Variants in LRP1B observed in about 807,000 individuals in gnomAD.
LRP1B encodes low-density lipoprotein receptor-related protein 1B.
A neutral mutation model predicts 556.6 loss-of-function variants in LRP1B; 217 were observed. The ratio of observed to expected loss-of-function variants is 0.39; its 90% CI spans 0.35 to 0.44. LRP1B has a LOEUF of 0.44. Among genes scored for constraint, LRP1B ranks in the 20% least tolerant of loss-of-function variants. The pLI is 1.00. For missense variants in LRP1B, 5,053 were observed against 5,620.8 expected (o/e 0.90, Z 3.23); for synonymous variants, 2,047 against 1,865.8 (o/e 1.10, Z -2.50).
At chr2:140,841,826 GA>G (rs1342627701) in intron 29 of LRP1B, among the ~76,000 whole-genome samples, 3 of 151,654 alleles carry the variant, frequency 2.0e-5, no homozygotes, top group Admixed American at 6.6e-5. Context: ...ACCTTTTCAA[GA>G]AAAAAAATGA....
At chr2:141,468,127 T>C (rs1328104657) in intron 3 of LRP1B, among the ~76,000 whole-genome samples, 2 of 152,196 alleles carry the variant, frequency 1.3e-5, no homozygotes, top group South Asian at 2.1e-4. Context: ...ATGTAAGTTA[T>C]ATTGTGTTAG....
chr2:141,102,006 A>G (rs1700473556), intron 7 of LRP1B, among the ~76,000 whole-genome samples: 2 of 152,272 alleles, frequency 1.3e-5, no homozygotes, highest in South Asian at 4.1e-4. Flanking sequence ...CAGAATCACA[A>G]AGCTATGAAC....
At chr2:140,824,806 C>G (rs964175507) in intron 31 of LRP1B, among the ~76,000 whole-genome samples, 1 of 152,046 alleles carries the variant, frequency 6.6e-6, no homozygotes, top group Non-Finnish European at 1.5e-5. Context: ...ATCACACATT[C>G]AAAAATTAAT....
intron 18 of LRP1B, among the ~76,000 whole-genome samples, chr2:140,978,007 C>A (rs371792542): frequency 1.3e-5 from 2 of 152,186 alleles, no homozygotes; most frequent in African/African-American, 4.8e-5. Context: ...ACTTTCAACA[C>A]AGGCTTCACA....
intron 41 of LRP1B, among the ~76,000 whole-genome samples, chr2:140,674,093 C>T (rs1380503033): frequency 4.0e-5 from 6 of 151,736 alleles, no homozygotes; most frequent in Admixed American, 1.3e-4. Context: ...GGATTACAGG[C>T]GCCCACCACC....
At chr2:141,903,950 A>G (rs1699689159) in intron 1 of LRP1B, among the ~76,000 whole-genome samples, 1 of 151,900 alleles carries the variant, frequency 6.6e-6, no homozygotes, top group Non-Finnish European at 1.5e-5. Context: ...TGGGGAATGA[A>G]CATCATGAGA....
intron 3 of LRP1B, among the ~76,000 whole-genome samples, chr2:141,415,365 A>G (rs1317366251): frequency 1.3e-5 from 2 of 151,908 alleles, no homozygotes; most frequent in South Asian, 4.1e-4. Context: ...CTTATTTTTC[A>G]CCAAAAATGA....
intron 23 of LRP1B, among the ~76,000 whole-genome samples, chr2:140,901,025 T>C (rs1694090090): frequency 6.6e-6 from 1 of 152,156 alleles, no homozygotes; most frequent in Non-Finnish European, 1.5e-5. Context: ...AGTCGTGCTT[T>C]TTTTAAAATA....
intron 1 of LRP1B, among the ~76,000 whole-genome samples, chr2:141,813,221 A>C (rs1002343216): frequency 4.6e-5 from 7 of 152,164 alleles, no homozygotes; most frequent in African/African-American, 1.4e-4. Flanking sequence ...TAATGGGAGG[A>C]TAGAAACAAA....
intron 1 of LRP1B, among the ~76,000 whole-genome samples, chr2:141,862,968 G>A (rs1698296678): frequency 6.6e-6 from 1 of 152,086 alleles, no homozygotes; most frequent in South Asian, 2.1e-4. Context: ...TTCAGTGTTG[G>A]CTGAATAGAC....
intron 3 of LRP1B, among the ~76,000 whole-genome samples, chr2:141,414,203 C>G (rs572224323): frequency 1.5e-3 from 213 of 140,590 alleles, no homozygotes; most frequent in African/African-American, 5.4e-3. Context: ...CGCCACTGCA[C>G]TCCAGCCTGG....
At chr2:141,235,968 G>A (rs928511631) in intron 5 of LRP1B, among the ~76,000 whole-genome samples, 1 of 152,036 alleles carries the variant, frequency 6.6e-6, no homozygotes, top group South Asian at 2.1e-4. Context: ...GGCTGCAATG[G>A]GAAGCCAGTG....
In LRP1B at chr2:140,968,513, T is replaced by TTG. The variant is rs1553438893; in HGVS notation, c.2887+13645_2887+13646dup. 8.6e-3 allele frequency among the ~76,000 whole-genome samples: 1,287 copies of TTG among 150,172 alleles called. 20 individuals carry two copies. The highest frequency in any genetic ancestry group is 0.028 in the African/African-American group (1,145 of 41,090). ...GATTGATTTTTTGCAGTTTTTTTTT[T>TTG]TGTGTCTCTATCTCCTTCAATTCTG... is the stretch of plus-strand genomic sequence containing the variant. On this transcript the variant is annotated intron_variant, in intron 18 of 90. Transcript: ENST00000389484.
chr2:140,496,042 A>T (rs1688912320), intron 55 of LRP1B, among the ~76,000 whole-genome samples: 1 of 152,160 alleles, frequency 6.6e-6, no homozygotes, highest in East Asian at 1.9e-4. Flanking sequence ...AAAAGAGTGA[A>T]ACTTTCTACT....
chr2:142,019,818 A>C (rs1236209674), intron 1 of LRP1B, among the ~76,000 whole-genome samples: 1 of 151,762 alleles, frequency 6.6e-6, no homozygotes, highest in Non-Finnish European at 1.5e-5. Context: ...TTCCCAAGTC[A>C]CTCCCTCTCC....
At chr2:140,837,875 A>G (rs1221155741) in intron 31 of LRP1B, among the ~76,000 whole-genome samples, 1 of 152,164 alleles carries the variant, frequency 6.6e-6, no homozygotes, top group East Asian at 1.9e-4. Context: ...GCACACCAAC[A>G]TGGCACGTGT....
chr2:141,554,393 C>G lies in LRP1B; in HGVS notation c.206-73860G>C, dbSNP rs573971463. On this transcript the variant is annotated intron_variant, in intron 2 of 90. Transcript: ENST00000389484. ...TTATATATCTATAGGAATAGATATACATTATATATCTATAGGAATAGATAT... is the reference window on the plus strand; with the variant it reads ...TTATATATCTATAGGAATAGATATAGATTATATATCTATAGGAATAGATAT... 4.1e-3 allele frequency among the ~76,000 whole-genome samples: 608 copies of G among 149,532 alleles called. 3 individuals carry two copies. Among genetic ancestry groups the G allele is most frequent in the Non-Finnish European group, 6.4e-3 (433 of 67,190 alleles).
intron 2 of LRP1B, among the ~76,000 whole-genome samples, chr2:141,779,126 C>T (rs144873354): frequency 1.6e-4 from 24 of 152,208 alleles, no homozygotes; most frequent in African/African-American, 5.3e-4. Flanking sequence ...TTATATAACA[C>T]GTTGAAAGCC....
At chr2:140,345,819 CATATATACATATATATAT>C (rs1167344227) in intron 77 of LRP1B, among the ~76,000 whole-genome samples, 1 of 131,522 alleles carries the variant, frequency 7.6e-6, no homozygotes, top group Non-Finnish European at 1.6e-5. Context: ...CATATATATA[CATATATACATATATATAT>C]ACACATACAC....
Sources: allele counts gnomAD v4.1 joint callset (sites outside exome capture counted in the v4.1 genomes callset), GRCh38; gene constraint gnomAD v4.1.1; transcripts MANE v1.5; gene names NCBI Gene and HGNC (gene_info 2026-07-23, HGNC 2026-07-21).